Variants in CKM observed in about 807,000 individuals in gnomAD.
The protein encoded by CKM is creatine kinase, M-type.
In CKM, 28 loss-of-function variants were observed where a neutral mutation model predicts 35.4. That is an observed-to-expected ratio of 0.79 (90% confidence interval 0.59 to 1.08). The LOEUF (loss-of-function observed/expected upper bound fraction) is 1.08, where lower values mean the gene tolerates loss of function less well. CKM is among the 50% of genes least tolerant of loss of function. The pLI is 0.00. For synonymous variants in CKM, 215 were observed against 204.4 expected (o/e 1.05, Z -0.44); for missense variants, 484 against 509.8 (o/e 0.95, Z 0.49).
chr19:45,311,837 CGAT>C lies in CKM; in HGVS notation c.562_564del (p.Ile188del). ...GGCTTGTCGAACAGGAAGTGGTCAT[CGAT>C]GAGCTGCTGCTGCTCCTTCTCCGTC... On this transcript the variant is annotated inframe_deletion, in exon 5 of 8. Coordinates refer to ENST00000221476, the MANE Select transcript of CKM (RefSeq NM_001824.5). 1 of 1,613,522 alleles carries C rather than the reference CGAT, an allele frequency of 6.2e-7. No individual in the cohort carries two copies. Among genetic ancestry groups the C allele is most frequent in the Non-Finnish European group, 8.5e-7 (1 of 1,179,828 alleles).
chr19:45,319,632 T>G lies in CKM; in HGVS notation c.82A>C (p.Asn28His), dbSNP rs991104728. 6 of 1,613,984 alleles carry G rather than the reference T, an allele frequency of 3.7e-6. No individual in the cohort carries two copies. In the Admixed American group the frequency reaches 6.7e-5, roughly 18 times the overall value. Residue 28 changes from asparagine to histidine, a missense_variant, in exon 2 of 8, where the codon AAC (asparagine) becomes CAC (histidine). Coordinates refer to ENST00000221476, the MANE Select transcript of CKM (RefSeq NM_001824.5). ...EEYPDLSKHNNHMAKVLTLEL... is the reference protein window; with the variant it reads ...EEYPDLSKHNHHMAKVLTLEL... ...AGGGTCAGTACCTTGGCCATGTGGTTGTTATGTTTGCTGAGGTCGGGGTAC... is the reference window on the plus strand; with the variant it reads ...AGGGTCAGTACCTTGGCCATGTGGTGGTTATGTTTGCTGAGGTCGGGGTAC...
Position 45,306,756 on chromosome 19 carries a change from C to G in CKM, c.1140G>C (p.Gln380His), listed in dbSNP as rs752308232. The part of the protein sequence containing the change: ...GQSIDDMIPA[Q>H]K ...GTGGCAGGTGGGCAGGCGCCTACTT[C>G]TGGGCGGGGATCATGTCGTCAATGG... is the stretch of plus-strand genomic sequence containing the variant. Residue 380 changes from glutamine (Q) to histidine (H), a missense_variant, in exon 8 of 8, where the codon CAG becomes CAC. Coordinates refer to ENST00000221476, the MANE Select transcript of CKM (RefSeq NM_001824.5). This position sits in a 1 kb window ranked among gnomAD's most constrained non-coding sequence, Gnocchi z 4.5. 6.2e-7 allele frequency: 1 copy of G among 1,614,118 alleles called. No homozygotes were observed. The highest frequency in any genetic ancestry group is 8.5e-7 in the Non-Finnish European group (1 of 1,180,010).
At chr19:45,317,590 C>G (rs1599819356) in intron 3 of CKM, among the ~76,000 whole-genome samples, 1 of 144,658 alleles carries the variant, frequency 6.9e-6, no homozygotes, top group Admixed American at 7.0e-5. Context: ...GTGCCCAGCC[C>G]TTTTTTTTTT....
intron 5 of CKM, among the ~76,000 whole-genome samples, chr19:45,310,522 T>G (rs1336180187): frequency 6.6e-6 from 1 of 152,086 alleles, no homozygotes; most frequent in African/African-American, 2.4e-5. Context: ...GCTAGGAAAC[T>G]GGGGTAGAGA....
rs763366065 is a variant in CKM at position 45,307,670 on chromosome 19, C to A, written c.778-20G>T. 13 of 1,610,180 alleles carry A rather than the reference C, an allele frequency of 8.1e-6. No individual in the cohort carries two copies. In the East Asian group the frequency reaches 1.6e-4, roughly 19 times the overall value. On this transcript the variant is annotated intron_variant, in intron 6 of 7. Coordinates refer to ENST00000221476, the MANE Select transcript of CKM (RefSeq NM_001824.5). ...CTCAATCTGAGGTTCAGAGAGAGGA[C>A]CAGGGGTCAGCGCCGGCAGGCACCC...
In CKM at chr19:45,315,452, TA is replaced by T. The variant is rs1320229294; in HGVS notation, c.481+12del. On this transcript the variant is annotated intron_variant, in intron 4 of 7. Coordinates refer to ENST00000221476, the MANE Select transcript of CKM (RefSeq NM_001824.5). ...TGGGTGACCCCAGCAGTGGACGGGGTAGGGGCGCTCACCTTCCACAGAGAGC... is the reference window on the plus strand; with the variant it reads ...TGGGTGACCCCAGCAGTGGACGGGGTGGGGCGCTCACCTTCCACAGAGAGC... The T allele has an allele frequency of 6.3e-7, 1 of 1,597,646 alleles. No homozygotes were observed. Among genetic ancestry groups the T allele is most frequent in the Non-Finnish European group, 8.5e-7 (1 of 1,179,126 alleles).
intron 5 of CKM, 84 bp downstream of exon 5, chr19:45,311,665 T>G: frequency 5.9e-6 from 7 of 1,194,032 alleles, no homozygotes; most frequent in Non-Finnish European, 8.2e-6. Context: ...ATGGCCTTGG[T>G]TTTGGTGGAG....
intron 3 of CKM, 110 bp downstream of exon 3, chr19:45,317,715 C>G: frequency 8.0e-7 from 1 of 1,252,022 alleles, no homozygotes. Context: ...CTCTGCTTCT[C>G]CACACCTCTG....
chr19:45,317,256 C>T (rs542471554), intron 3 of CKM, among the ~76,000 whole-genome samples: 2 of 151,716 alleles, frequency 1.3e-5, no homozygotes, highest in South Asian at 4.2e-4. Context: ...TACAGGCACG[C>T]GCCACCATGC....
intron 3 of CKM, among the ~76,000 whole-genome samples, chr19:45,316,228 G>T (rs1193800221): frequency 6.6e-6 from 1 of 151,582 alleles, no homozygotes; most frequent in African/African-American, 2.4e-5. Context: ...TACTCAGGAG[G>T]CTGAGGCACG....
rs560378274 is a variant in CKM at position 45,310,052 on chromosome 19, C to CTTTATTA, written c.654-1521_654-1520insTAATAAA. Among the ~76,000 whole-genome samples, 66 of 149,000 alleles carry CTTTATTA rather than the reference C, an allele frequency of 4.4e-4. No homozygotes were observed. The East Asian group carries it at 0.012, about 26-fold the overall frequency. ...AGTCAAAACAAGTCTAGCAATAATA[C>CTTTATTA]TTTATAATAAAGATAAGACGAATAA... On this transcript the variant is annotated intron_variant, in intron 5 of 7. Transcript: ENST00000221476.
intron 5 of CKM, 27 bp from the exon 6 acceptor site, chr19:45,308,559 C>T (rs1324380186): frequency 1.9e-6 from 3 of 1,613,892 alleles, no homozygotes; most frequent in Middle Eastern, 1.7e-4. Context: ...CAGCAAGAGG[C>T]CAAGGTGTCA....
rs1452085441 is a variant in CKM at position 45,306,683 on chromosome 19, A to G, written c.*67T>C. On this transcript the variant is annotated 3_prime_UTR_variant, in exon 8 of 8. Coordinates refer to ENST00000221476, the MANE Select transcript of CKM (RefSeq NM_001824.5). This position sits in a 1 kb window ranked among gnomAD's most constrained non-coding sequence, Gnocchi z 4.5. ...GGGGCGGGGCGAGGAGTGAGGGAGCAGGACTCTGGTGGGCCAGGCCCTCCC... is the reference window on the plus strand; with the variant it reads ...GGGGCGGGGCGAGGAGTGAGGGAGCGGGACTCTGGTGGGCCAGGCCCTCCC... 1 of 1,548,418 alleles carries G rather than the reference A, an allele frequency of 6.5e-7. No individual in the cohort carries two copies. The highest frequency in any genetic ancestry group is 1.4e-5 in the African/African-American group (1 of 73,668).
Position 45,315,578 on chromosome 19 carries a change from G to A in CKM, c.368C>T (p.Pro123Leu). The part of the protein sequence containing the change: ...ENLKGGDDLD[P>L]NYVLSSRVRT... ...GACGCGGCTGCTGAGCACGTAGTTAGGGTCCAGGTCGTCTCCACCCTGGAG... is the reference window on the plus strand; with the variant it reads ...GACGCGGCTGCTGAGCACGTAGTTAAGGTCCAGGTCGTCTCCACCCTGGAG... The change falls in exon 4 of 8, where the codon CCT (proline) becomes CTT (leucine). Residue 123 changes from proline to leucine, a missense_variant. Pro to Leu is a moderately conservative substitution (Grantham distance 98). Coordinates refer to ENST00000221476, the MANE Select transcript of CKM (RefSeq NM_001824.5). The A allele has an allele frequency of 6.2e-7, 1 of 1,604,072 alleles. No homozygotes were observed. The highest frequency in any genetic ancestry group is 8.5e-7 in the Non-Finnish European group (1 of 1,179,942).
intron 2 of CKM, among the ~76,000 whole-genome samples, chr19:45,319,051 CTTGCTATG>C (rs1226626217): frequency 6.6e-6 from 1 of 151,990 alleles, no homozygotes; most frequent in Non-Finnish European, 1.5e-5. Context: ...GAGACAGGGT[CTTGCTATG>C]TTGCTCAGGC....
intron 2 of CKM, among the ~76,000 whole-genome samples, chr19:45,319,125 G>A (rs549409722): frequency 6.6e-6 from 1 of 152,242 alleles, no homozygotes; most frequent in Non-Finnish European, 1.5e-5. Context: ...CCAAAGTGCT[G>A]GGATTACAGG....
chr19:45,314,354 G>A (rs1971137731), intron 4 of CKM, among the ~76,000 whole-genome samples: 1 of 151,898 alleles, frequency 6.6e-6, no homozygotes, highest in Admixed American at 6.6e-5. Context: ...ATTAAGGTAT[G>A]TACTTTTTTT....
chr19:45,314,579 G>T (rs1467167973), intron 4 of CKM, among the ~76,000 whole-genome samples: 5 of 150,922 alleles, frequency 3.3e-5, no homozygotes, highest in Admixed American at 3.3e-4. Context: ...AGACCCAGCT[G>T]ATTTTTGTAT....
At chr19:45,317,206 C>G (rs1971166594) in intron 3 of CKM, among the ~76,000 whole-genome samples, 1 of 152,138 alleles carries the variant, frequency 6.6e-6, no homozygotes, top group Non-Finnish European at 1.5e-5. Flanking sequence ...CTCCTGGGTT[C>G]AAGAGATTTT....
Sources: allele counts gnomAD v4.1 joint callset (sites outside exome capture counted in the v4.1 genomes callset), GRCh38; gene constraint gnomAD v4.1.1; non-coding constraint Gnocchi (gnomAD v3.1); transcripts MANE v1.5; gene names NCBI Gene and HGNC (gene_info 2026-07-23, HGNC 2026-07-21).